ZFAT: variants seen among roughly 807,000 people sequenced by gnomAD.
ZFAT encodes the protein zinc finger protein ZFAT.
In ZFAT, 64 loss-of-function variants were observed where a neutral mutation model predicts 117.7. That is an observed-to-expected ratio of 0.54 (90% CI 0.44 to 0.67). The LOEUF is 0.67. Among genes scored for constraint, ZFAT ranks in the 30% least tolerant of loss-of-function variants. ZFAT has a pLI of 0.00. For missense variants in ZFAT, 1,433 were observed against 1,584.5 expected (o/e 0.90, Z 1.62); for synonymous variants, 679 against 615.0 (o/e 1.10, Z -1.54).
rs200153287 is a variant in ZFAT, at chr8:134,662,963, C to A, written c.20-5226G>T. Among the ~76,000 whole-genome samples the A allele has an allele frequency of 2.6e-5, 4 of 152,248 alleles. No homozygotes were observed. The East Asian group carries it at 7.7e-4, about 29-fold the overall frequency. On this transcript the variant is annotated intron_variant, in intron 1 of 15. Transcript: ENST00000377838. ...CTATGCCCAAGACCACTTCTCCCTA[C>A]AAAGTTGCTCTGCAGCGCAGACATG...
intron 10 of ZFAT, among the ~76,000 whole-genome samples, chr8:134,567,522 C>T (rs751631908): frequency 1.3e-5 from 2 of 152,052 alleles, no homozygotes; most frequent in Non-Finnish European, 2.9e-5. Context: ...CCCATCTATC[C>T]ACACATGCAT....
chr8:134,545,503 A>C (rs1045162409), intron 11 of ZFAT, among the ~76,000 whole-genome samples: 2 of 152,224 alleles, frequency 1.3e-5, no homozygotes, highest in East Asian at 1.9e-4. Context: ...AAAAGTAATA[A>C]ATTAAAAAAA....
At chr8:134,698,041 G>A (rs1833916488) in intron 1 of ZFAT, among the ~76,000 whole-genome samples, 1 of 151,276 alleles carries the variant, frequency 6.6e-6, no homozygotes, top group African/African-American at 2.4e-5. Context: ...ACCCAACTGG[G>A]GCCAGGTGCG....
At chr8:134,653,278 A>T (rs2131182442) in intron 2 of ZFAT, among the ~76,000 whole-genome samples, 1 of 128,732 alleles carries the variant, frequency 7.8e-6, no homozygotes, top group South Asian at 2.3e-4. Context: ...TTTAAAAAAA[A>T]AAAAAAAAAA....
chr8:134,487,635 G>A (rs1465931090), intron 15 of ZFAT, among the ~76,000 whole-genome samples: 1 of 152,168 alleles, frequency 6.6e-6, no homozygotes, highest in Non-Finnish European at 1.5e-5. Flanking sequence ...ACTCAATTTT[G>A]GTTCCTGAAC....
chr8:134,656,989 A>C (rs1831645550), intron 2 of ZFAT, among the ~76,000 whole-genome samples: 1 of 152,208 alleles, frequency 6.6e-6, no homozygotes. Context: ...TTCTGTGCAA[A>C]TCAAAGCTTT....
At chr8:134,591,672 G>A (rs1826514535) in intron 7 of ZFAT, among the ~76,000 whole-genome samples, 1 of 152,198 alleles carries the variant, frequency 6.6e-6, no homozygotes, top group Non-Finnish European at 1.5e-5. Flanking sequence ...TGTGACTGGT[G>A]TCCTTATAAA....
intron 1 of ZFAT, among the ~76,000 whole-genome samples, chr8:134,667,211 T>A (rs766295238): frequency 3.9e-4 from 59 of 152,030 alleles, no homozygotes; most frequent in Non-Finnish European, 6.9e-4. Context: ...AGATGACAGG[T>A]GGCTGGGTGC....
intron 2 of ZFAT, among the ~76,000 whole-genome samples, chr8:134,647,231 A>C (rs1308539016): frequency 6.6e-6 from 1 of 151,516 alleles, no homozygotes; most frequent in Admixed American, 6.5e-5. Flanking sequence ...TGTATAAATA[A>C]ATGTGATATA....
Position 134,602,648 on chromosome 8 carries a change from G to C in ZFAT, c.1071C>G (p.Arg357=). 6.2e-7 allele frequency: 1 copy of C among 1,614,208 alleles called. No homozygotes were observed. The highest frequency in any genetic ancestry group is 8.5e-7 in the Non-Finnish European group (1 of 1,180,048). The part of the protein sequence containing the change: ...RVHKKIKQHC[R]FCKKKYSDVK... ...CGTCAGAGTACTTCTTCTTGCAGAAGCGGCAGTGCTGCTTGATCTTCTTGT... is the reference window on the plus strand; with the variant it reads ...CGTCAGAGTACTTCTTCTTGCAGAACCGGCAGTGCTGCTTGATCTTCTTGT... Residue 357 remains arginine, a synonymous_variant, in exon 6 of 16, where the codon CGC becomes CGG. Transcript: ENST00000377838.
At chr8:134,808,446 G>A in the ZFAT span, among the ~76,000 whole-genome samples, 1 of 152,280 alleles carries the variant, frequency 6.6e-6, no homozygotes, top group East Asian at 1.9e-4. Context: ...TTTTAATTCA[G>A]TGGGAAAAAT....
the ZFAT span, among the ~76,000 whole-genome samples, chr8:134,750,013 C>T: frequency 6.6e-6 from 1 of 152,130 alleles, no homozygotes; most frequent in Non-Finnish European, 1.5e-5. Flanking sequence ...TCAAATTCTA[C>T]AAAATAAAAT....
chr8:134,670,526 C>G (rs1394690505), intron 1 of ZFAT, among the ~76,000 whole-genome samples: 1 of 152,194 alleles, frequency 6.6e-6, no homozygotes, highest in Non-Finnish European at 1.5e-5. Flanking sequence ...TAAATGAAAG[C>G]AGAAATAAAG....
chr8:134,810,203 T>TA, the ZFAT span, among the ~76,000 whole-genome samples: 3 of 152,134 alleles, frequency 2.0e-5, no homozygotes, highest in African/African-American at 7.2e-5. Flanking sequence ...AAACGCAACC[T>TA]ACGTTTCAAT....
At chr8:134,776,176 C>T in the ZFAT span, among the ~76,000 whole-genome samples, 1 of 152,232 alleles carries the variant, frequency 6.6e-6, no homozygotes, top group African/African-American at 2.4e-5. Context: ...TTATAATACT[C>T]ATTTTGTAGA....
intron 13 of ZFAT, among the ~76,000 whole-genome samples, chr8:134,517,901 A>G (rs900153478): frequency 6.6e-6 from 1 of 152,254 alleles, no homozygotes; most frequent in Non-Finnish European, 1.5e-5. Flanking sequence ...ATCACATGGT[A>G]TCAGGTCACA....
chr8:134,602,240 G>A lies in ZFAT; in HGVS notation c.1479C>T (p.Ser493=). Residue 493 remains serine, a synonymous_variant, in exon 6 of 16, where the codon TCC becomes TCT. Coordinates refer to ENST00000377838, the MANE Select transcript of ZFAT (RefSeq NM_020863.4). ...CCAGGAGGCAGAAGCTCTGGTTGAT[G>A]GAACTGGTGAAGACCAAGGCCTCCT... is the stretch of plus-strand genomic sequence containing the variant. ...AAQEALVFTS[S]INQSFCLLEP... 4 of 1,613,730 alleles carry A rather than the reference G, an allele frequency of 2.5e-6. No individual in the cohort carries two copies. Among genetic ancestry groups the A allele is most frequent in the Non-Finnish European group, 2.5e-6 (3 of 1,180,032 alleles).
intron 15 of ZFAT, among the ~76,000 whole-genome samples, chr8:134,484,284 T>C (rs952253141): frequency 1.3e-5 from 2 of 152,198 alleles, no homozygotes; most frequent in African/African-American, 4.8e-5. Context: ...TAGTAGGTGA[T>C]GGTGATTTAG....
intron 11 of ZFAT, among the ~76,000 whole-genome samples, chr8:134,559,106 T>C (rs954439549): frequency 1.3e-5 from 2 of 152,252 alleles, no homozygotes; most frequent in African/African-American, 4.8e-5. Context: ...ACTACGTTGC[T>C]GTTTTTTACT....
Sources: allele counts gnomAD v4.1 joint callset (sites outside exome capture counted in the v4.1 genomes callset), GRCh38; gene constraint gnomAD v4.1.1; transcripts MANE v1.5; gene names NCBI Gene and HGNC (gene_info 2026-07-23, HGNC 2026-07-21).